SMG6: variants seen among roughly 807,000 people sequenced by gnomAD.
SMG6 encodes the protein telomerase-binding protein EST1A.
In SMG6, 66 loss-of-function variants were observed where a neutral mutation model predicts 142.2. The ratio of observed to expected loss-of-function variants is 0.46; its 90% CI spans 0.38 to 0.57. The LOEUF is 0.57. Among genes scored for constraint, SMG6 ranks in the 20% least tolerant of loss-of-function variants. The pLI is 0.00. For synonymous variants in SMG6, 779 were observed against 702.4 expected (o/e 1.11, Z -1.72); for missense variants, 1,793 against 1,832.0 (o/e 0.98, Z 0.39).
chr17:2,133,478 T>TC (rs986841708), intron 13 of SMG6, among the ~76,000 whole-genome samples: 18 of 152,158 alleles, frequency 1.2e-4, no homozygotes, highest in African/African-American at 4.1e-4. Flanking sequence ...GCTAGTTACC[T>TC]CCCAATCCAG....
At chr17:2,253,119 TTTTATTTA>T (rs10528623) in intron 8 of SMG6, among the ~76,000 whole-genome samples, 22 of 130,684 alleles carry the variant, frequency 1.7e-4, no homozygotes, top group East Asian at 1.5e-3. Flanking sequence ...AAATATTTTA[TTTTATTTA>T]TTTATTTATT....
At position 2,074,322 on chromosome 17, in the gene SMG6, A is replaced by G. The variant is rs188766386; in HGVS notation, c.3682-5391T>C. On this transcript the variant is annotated intron_variant, in intron 15 of 18. Transcript: ENST00000263073. ...ACATGAAAAACTGGAAATAAAATAAAAATAGGAACAGTGGGTGAGATAAGC... is the reference window on the plus strand; with the variant it reads ...ACATGAAAAACTGGAAATAAAATAAGAATAGGAACAGTGGGTGAGATAAGC... Among the ~76,000 whole-genome samples, 48 of 152,262 alleles carry G rather than the reference A, an allele frequency of 3.2e-4. 1 individual carries two copies. Among genetic ancestry groups the G allele is most frequent in the Admixed American group, 2.7e-3 (42 of 15,292 alleles).
intron 8 of SMG6, among the ~76,000 whole-genome samples, chr17:2,252,482 G>A (rs2074070233): frequency 6.6e-6 from 1 of 152,198 alleles, no homozygotes; most frequent in Non-Finnish European, 1.5e-5. Flanking sequence ...CTGGGGGAAG[G>A]AATATGACAG....
At chr17:2,077,657 CT>C (rs1339336233) in intron 15 of SMG6, among the ~76,000 whole-genome samples, 1 of 152,158 alleles carries the variant, frequency 6.6e-6, no homozygotes, top group Non-Finnish European at 1.5e-5. Flanking sequence ...AATATTGGTG[CT>C]TTTACCACTT....
chr17:2,114,945 A>AT (rs2069454430), intron 13 of SMG6, among the ~76,000 whole-genome samples: 1 of 118,354 alleles, frequency 8.4e-6, no homozygotes, highest in African/African-American at 3.5e-5. Context: ...ATAAAATAAA[A>AT]TAAAATAAAA....
intron 13 of SMG6, among the ~76,000 whole-genome samples, chr17:2,142,982 C>T (rs2070536012): frequency 6.7e-6 from 1 of 149,336 alleles, no homozygotes; most frequent in Admixed American, 6.7e-5. Context: ...AGCTGTTCAA[C>T]ATCATTAGTT....
intron 12 of SMG6, 53 bp from the exon 13 acceptor site, chr17:2,172,912 A>T (rs1278850483): frequency 2.6e-6 from 4 of 1,538,198 alleles, no homozygotes; most frequent in Non-Finnish European, 3.6e-6. Context: ...CCAGTAAAAA[A>T]AAGTATTCTC....
intron 10 of SMG6, among the ~76,000 whole-genome samples, chr17:2,203,314 G>C (rs2072587067): frequency 6.6e-6 from 1 of 152,200 alleles, no homozygotes; most frequent in African/African-American, 2.4e-5. Context: ...GCAGGACAGA[G>C]CTGCTGCCAG....
At chr17:2,242,253 C>A (rs1188747746) in intron 9 of SMG6, among the ~76,000 whole-genome samples, 1 of 151,612 alleles carries the variant, frequency 6.6e-6, no homozygotes, top group Non-Finnish European at 1.5e-5. Flanking sequence ...TGGCTCACAC[C>A]TGTAATCCCA....
intron 8 of SMG6, among the ~76,000 whole-genome samples, chr17:2,254,535 A>T (rs2072345050): frequency 1.3e-5 from 2 of 152,122 alleles, no homozygotes; most frequent in African/African-American, 4.8e-5. Flanking sequence ...GGGTTTTGCC[A>T]TGTTGTCCAG....
At chr17:2,178,320 G>A (rs1042808469) in intron 12 of SMG6, among the ~76,000 whole-genome samples, 1 of 152,140 alleles carries the variant, frequency 6.6e-6, no homozygotes, top group Non-Finnish European at 1.5e-5. Context: ...ACCATTCCAG[G>A]AGTTAAGATA....
intron 8 of SMG6, among the ~76,000 whole-genome samples, chr17:2,258,724 G>C (rs1310960996): frequency 6.6e-6 from 1 of 151,864 alleles, no homozygotes; most frequent in Non-Finnish European, 1.5e-5. Context: ...CTTGAGCCCA[G>C]GAGGTGAAGG....
rs528208614 is a variant in SMG6, at chr17:2,147,844, G to T, written c.3357+24814C>A. ...ACTGGAACTCCTGTGCACTATTGGT[G>T]AGGATGTAAAATAGTACAGCCGCTG... On this transcript the variant is annotated intron_variant, in intron 13 of 18. Transcript: ENST00000263073. Among the ~76,000 whole-genome samples, 7 of 152,316 alleles carry T rather than the reference G, an allele frequency of 4.6e-5. No homozygotes were observed. The South Asian group carries it at 1.4e-3, about 32-fold the overall frequency.
At chr17:2,221,583 A>G (rs554651626) in intron 10 of SMG6, among the ~76,000 whole-genome samples, 49 of 152,352 alleles carry the variant, frequency 3.2e-4, no homozygotes, top group Admixed American at 2.0e-3. Flanking sequence ...AATGGATTTT[A>G]CTTTAATGCC....
chr17:2,233,434 G>A (rs1233152885), intron 10 of SMG6: 1 of 152,458 alleles, frequency 6.6e-6, no homozygotes, highest in African/African-American at 2.4e-5. Context: ...GCAGCATCAG[G>A]CTCTTGCTTC....
intron 13 of SMG6, among the ~76,000 whole-genome samples, chr17:2,149,137 G>A (rs1263305701): frequency 6.6e-6 from 1 of 151,940 alleles, no homozygotes; most frequent in Non-Finnish European, 1.5e-5. Flanking sequence ...ATCACTTGAG[G>A]TCAGGAGTTC....
chr17:2,136,801 A>G (rs1283389951), intron 13 of SMG6, among the ~76,000 whole-genome samples: 1 of 151,826 alleles, frequency 6.6e-6, no homozygotes, highest in African/African-American at 2.4e-5. Context: ...GTCCTTACAT[A>G]AGTTTAGTAT....
intron 13 of SMG6, among the ~76,000 whole-genome samples, chr17:2,112,565 A>C (rs1471976744): frequency 1.4e-5 from 2 of 145,578 alleles, no homozygotes; most frequent in East Asian, 3.9e-4. Context: ...ATAAATAAAT[A>C]AATAAAAGGC....
intron 13 of SMG6, among the ~76,000 whole-genome samples, chr17:2,133,170 G>A (rs1051284655): frequency 3.3e-5 from 5 of 152,082 alleles, no homozygotes; most frequent in Admixed American, 3.3e-4. Context: ...ACGTGAACCC[G>A]GGAGACAGAG....
Sources: allele counts gnomAD v4.1 joint callset (sites outside exome capture counted in the v4.1 genomes callset), GRCh38; gene constraint gnomAD v4.1.1; transcripts MANE v1.5; gene names NCBI Gene and HGNC (gene_info 2026-07-23, HGNC 2026-07-21).